DGKB: variants seen among roughly 807,000 people sequenced by gnomAD.
DGKB encodes 90 kDa diacylglycerol kinase.
DGKB carries 67 observed loss-of-function variants against 114.3 expected under a neutral mutation model. The observed-to-expected ratio is 0.59, with a 90% confidence interval of 0.48 to 0.72. The LOEUF (loss-of-function observed/expected upper bound fraction) is 0.72, where lower values mean the gene tolerates loss of function less well. Among genes scored for constraint, DGKB ranks in the 30% least tolerant of loss-of-function variants. The pLI, the probability that DGKB is intolerant of heterozygous loss-of-function variation, is 0.00. For missense variants in DGKB, 907 were observed against 975.2 expected, an observed-to-expected ratio of 0.93 and a Z score of 0.93; for synonymous variants, 398 against 323.1, an observed-to-expected ratio of 1.23 and a Z score of -2.49.
intron 21 of DGKB, among the ~76,000 whole-genome samples, chr7:14,429,775 G>T (rs1412272061): frequency 6.6e-6 from 1 of 152,036 alleles, no homozygotes; most frequent in Non-Finnish European, 1.5e-5. Flanking sequence ...ACAAAAATTA[G>T]CTGGGCATGG....
chr7:14,512,104 G>T (rs143296907), intron 20 of DGKB, among the ~76,000 whole-genome samples: 67 of 152,248 alleles, frequency 4.4e-4, no homozygotes, highest in African/African-American at 1.5e-3. Context: ...AAAAAATGGT[G>T]CTGATAGATT....
chr7:14,613,381 T>C lies in DGKB; in HGVS notation c.1317A>G (p.Leu439=), dbSNP rs1420237328. 8.9e-6 allele frequency: 14 copies of C among 1,570,516 alleles called. No individual in the cohort carries two copies. Among genetic ancestry groups the C allele is most frequent in the Non-Finnish European group, 1.2e-5 (14 of 1,156,000 alleles). The change falls in exon 16 of 26, where the codon TTA becomes TTG. Residue 439 remains leucine, a synonymous_variant. Coordinates refer to ENST00000402815, the MANE Select transcript of DGKB (RefSeq NM_001350709.2). ...CACCACTTTTGGGGTTCACAAAAACTAAAAGTGGGTGAGTACCAGGCACAG... is the reference window on the plus strand; with the variant it reads ...CACCACTTTTGGGGTTCACAAAAACCAAAAGTGGGTGAGTACCAGGCACAG... ...VTPVPGTHPL[L]VFVNPKSGGK... is the part of the protein sequence containing the mutation.
chr7:14,485,503 C>T (rs1783667603), intron 20 of DGKB, among the ~76,000 whole-genome samples: 1 of 152,044 alleles, frequency 6.6e-6, no homozygotes, highest in Admixed American at 6.6e-5. Context: ...TGGAGAAATA[C>T]ATGATTGAGA....
chr7:14,629,738 C>T (rs1006179163), intron 14 of DGKB, among the ~76,000 whole-genome samples: 1 of 152,064 alleles, frequency 6.6e-6, no homozygotes, highest in African/African-American at 2.4e-5. Flanking sequence ...ATATTTTATT[C>T]TGATGTTTCT....
At chr7:14,213,838 G>T (rs1481770476) in intron 23 of DGKB, among the ~76,000 whole-genome samples, 1 of 152,078 alleles carries the variant, frequency 6.6e-6, no homozygotes, top group Non-Finnish European at 1.5e-5. Context: ...AACAATATCA[G>T]CTTCTTCACA....
At chr7:14,174,569 G>T (rs1781450458) in intron 25 of DGKB, among the ~76,000 whole-genome samples, 1 of 152,034 alleles carries the variant, frequency 6.6e-6, no homozygotes. Flanking sequence ...TTATTCTTTT[G>T]TTACCAAGGC....
In DGKB at chr7:14,841,205, T is replaced by C; in HGVS notation, c.59A>G (p.Lys20Arg). The change falls in exon 2 of 26, where the codon AAA becomes AGA. Residue 20 changes from lysine (K) to arginine (R), a missense_variant. Physicochemically the swap from Lys to Arg is conservative, Grantham distance 26 (BLOSUM62 2). Around this residue, in one of 3 missense-constraint regions of DGKB, gnomAD observed 814 missense variants for 856.6 expected, o/e 0.95. Coordinates refer to ENST00000402815, the MANE Select transcript of DGKB (RefSeq NM_001350709.2). ...LSPSEFSQLQ[K>R]YAEYSTKKLK... ...ATATGAATACTTACACTCAGCATAT[T>C]TCTGAAGTTGGGAAAATTCCGAAGG... 6.2e-7 allele frequency: 1 copy of C among 1,612,976 alleles called. No individual in the cohort carries two copies. The highest frequency in any genetic ancestry group is 8.5e-7 in the Non-Finnish European group (1 of 1,179,396).
rs569658117 is a variant in DGKB at position 14,787,761 on chromosome 7, T to C, written c.71-30030A>G. On this transcript the variant is annotated intron_variant, in intron 2 of 25. Coordinates refer to ENST00000402815, the MANE Select transcript of DGKB (RefSeq NM_001350709.2). ...GGTGACGTGAGCATACCCCCAGTGA[T>C]TGGCTTTTGCTGGGAATCAAATACA... is the stretch of plus-strand genomic sequence containing the variant. Among the ~76,000 whole-genome samples the C allele has an allele frequency of 5.3e-5, 8 of 152,326 alleles. No individual in the cohort carries two copies. The South Asian group carries it at 6.2e-4, about 12-fold the overall frequency.
intron 17 of DGKB, among the ~76,000 whole-genome samples, chr7:14,590,953 G>T (rs931703130): frequency 6.6e-6 from 1 of 152,108 alleles, no homozygotes; most frequent in Admixed American, 6.6e-5. Flanking sequence ...CTAACAAGCA[G>T]TAAGGAGAGT....
chr7:14,458,028 G>A (rs536563369), intron 21 of DGKB, among the ~76,000 whole-genome samples: 1 of 152,218 alleles, frequency 6.6e-6, no homozygotes, highest in East Asian at 1.9e-4. Flanking sequence ...GCCCTCTGCT[G>A]GTTAGATTCT....
At chr7:14,334,259 T>C (rs935757639) in intron 23 of DGKB, among the ~76,000 whole-genome samples, 2 of 152,164 alleles carry the variant, frequency 1.3e-5, no homozygotes, top group Non-Finnish European at 2.9e-5. Context: ...TTGCACAATA[T>C]TTCTCATGAG....
chr7:14,460,971 G>A (rs963089862), intron 21 of DGKB, among the ~76,000 whole-genome samples: 2 of 150,232 alleles, frequency 1.3e-5, no homozygotes, highest in Non-Finnish European at 2.9e-5. Flanking sequence ...CAACTACAGG[G>A]AAATTGAACA....
intron 23 of DGKB, among the ~76,000 whole-genome samples, chr7:14,237,689 A>G (rs943240048): frequency 1.3e-5 from 2 of 152,068 alleles, no homozygotes; most frequent in Non-Finnish European, 2.9e-5. Context: ...AGTAGAATCA[A>G]TAATATGATT....
At chr7:14,514,384 C>G (rs1255408463) in intron 20 of DGKB, among the ~76,000 whole-genome samples, 1 of 152,070 alleles carries the variant, frequency 6.6e-6, no homozygotes, top group Non-Finnish European at 1.5e-5. Flanking sequence ...AGGATATTAA[C>G]TTGACTTTCC....
At chr7:14,354,680 A>G (rs1418666401) in intron 21 of DGKB, among the ~76,000 whole-genome samples, 1 of 152,188 alleles carries the variant, frequency 6.6e-6, no homozygotes, top group Admixed American at 6.5e-5. Context: ...CAGGCCTTCC[A>G]AAGGTTCTTT....
chr7:14,633,579 C>T (rs955591677), intron 13 of DGKB, among the ~76,000 whole-genome samples: 4 of 151,746 alleles, frequency 2.6e-5, no homozygotes, highest in Admixed American at 6.6e-5. Context: ...ATTTAGCTAT[C>T]GTATCACTTC....
chr7:14,376,244 T>G (rs1818467292), intron 21 of DGKB, among the ~76,000 whole-genome samples: 1 of 152,192 alleles, frequency 6.6e-6, no homozygotes. Context: ...AAAATCAGAC[T>G]GGGCCAAGAG....
intron 23 of DGKB, among the ~76,000 whole-genome samples, chr7:14,303,098 T>C (rs1279844350): frequency 6.6e-6 from 1 of 152,170 alleles, no homozygotes; most frequent in African/African-American, 2.4e-5. Context: ...CAAATTTTCA[T>C]ATGTGTCCAG....
chr7:14,456,530 C>A (rs1832309466), intron 21 of DGKB, among the ~76,000 whole-genome samples: 1 of 151,998 alleles, frequency 6.6e-6, no homozygotes, highest in African/African-American at 2.4e-5. Flanking sequence ...GAAATTAAAT[C>A]ATGCTATGAA....
Sources: allele counts gnomAD v4.1 joint callset (sites outside exome capture counted in the v4.1 genomes callset), GRCh38; gene constraint gnomAD v4.1.1; regional missense constraint gnomAD v4.1.1; transcripts MANE v1.5; gene names NCBI Gene and HGNC (gene_info 2026-07-23, HGNC 2026-07-21).